The following COL24A1 variants were observed in gnomAD, a reference collection of about 807,000 sequenced individuals.
COL24A1 encodes collagen type XXIV alpha 1 chain.
In COL24A1, 224 loss-of-function variants were observed where a neutral mutation model predicts 253.9. The ratio of observed to expected loss-of-function variants is 0.88; its 90% CI spans 0.79 to 0.99. The LOEUF (loss-of-function observed/expected upper bound fraction) is 0.99. Ranked by LOEUF, COL24A1 falls within the 50% of genes least tolerant of loss-of-function variation. COL24A1 has a pLI of 0.00. For missense variants in COL24A1, 2,131 were observed against 2,068.5 expected (o/e 1.03, Z -0.59); for synonymous variants, 685 against 673.7 (o/e 1.02, Z -0.26).
intron 51 of COL24A1, among the ~76,000 whole-genome samples, chr1:85,781,854 A>G (rs926377092): frequency 2.0e-5 from 3 of 152,222 alleles, no homozygotes; most frequent in African/African-American, 7.2e-5. Flanking sequence ...GGTTATGAAG[A>G]TAACCTTGAA....
intron 2 of COL24A1, among the ~76,000 whole-genome samples, chr1:86,129,398 A>C (rs1384619950): frequency 6.6e-6 from 1 of 150,534 alleles, no homozygotes; most frequent in Non-Finnish European, 1.5e-5. Flanking sequence ...ATTTTTGTTC[A>C]TTTTCTCTAT....
At chr1:86,040,613 T>C (rs76474550) in intron 12 of COL24A1, among the ~76,000 whole-genome samples, 6 of 152,106 alleles carry the variant, frequency 3.9e-5, no homozygotes, top group South Asian at 2.1e-4. Flanking sequence ...ATGTAGTTCA[T>C]TGGGTGTCCT....
chr1:86,106,342 G>A (rs1360098180), intron 5 of COL24A1, among the ~76,000 whole-genome samples: 1 of 151,830 alleles, frequency 6.6e-6, no homozygotes, highest in East Asian at 1.9e-4. Context: ...ATGAAACATT[G>A]TTACTGTGGG....
At chr1:86,022,359 C>A in intron 17 of COL24A1, 66 bp from the exon 18 acceptor site, 3 of 1,487,814 alleles carry the variant, frequency 2.0e-6, no homozygotes, top group Non-Finnish European at 2.8e-6. Flanking sequence ...CCACTATTTA[C>A]AAACTGCTAA....
At chr1:86,058,256 T>C (rs906447855) in intron 9 of COL24A1, among the ~76,000 whole-genome samples, 2 of 151,924 alleles carry the variant, frequency 1.3e-5, no homozygotes, top group Admixed American at 1.3e-4. Flanking sequence ...TTATTTCTCA[T>C]TGGAAGACTG....
intron 42 of COL24A1, among the ~76,000 whole-genome samples, chr1:85,840,926 T>C (rs999340559): frequency 6.6e-6 from 1 of 152,150 alleles, no homozygotes; most frequent in African/African-American, 2.4e-5. Flanking sequence ...CTAGAGTGTA[T>C]AAGTTTTCTG....
Position 85,816,913 on chromosome 1 carries a change from AT to A in COL24A1, c.3844-19del. 12 of 1,559,374 alleles carry A rather than the reference AT, an allele frequency of 7.7e-6. No homozygotes were observed. Among genetic ancestry groups the A allele is most frequent in the Non-Finnish European group, 8.8e-6 (10 of 1,130,818 alleles). ...TGAAGTCCCTTGATAATTAAAAATTATTTGGATTGTAGAGATGCTGAAAAGA... is the reference window on the plus strand; with the variant it reads ...TGAAGTCCCTTGATAATTAAAAATTATTGGATTGTAGAGATGCTGAAAAGA... On this transcript the variant is annotated intron_variant, in intron 46 of 59. Transcript: ENST00000370571.
intron 5 of COL24A1, among the ~76,000 whole-genome samples, chr1:86,102,237 C>A (rs893364140): frequency 6.6e-6 from 1 of 151,946 alleles, no homozygotes; most frequent in Non-Finnish European, 1.5e-5. Flanking sequence ...GGTAATATCC[C>A]CTTTGTTGTT....
intron 55 of COL24A1, among the ~76,000 whole-genome samples, chr1:85,746,085 C>T (rs399547): frequency 0.91 from 137,749 of 152,132 alleles, 63,003 homozygotes; most frequent in Non-Finnish European, 0.97. Flanking sequence ...AGACTGAGCA[C>T]AACCATTAGT....
chr1:86,072,485 C>T (rs1274938702), intron 7 of COL24A1, among the ~76,000 whole-genome samples: 1 of 152,152 alleles, frequency 6.6e-6, no homozygotes, highest in Non-Finnish European at 1.5e-5. Flanking sequence ...AAGGCAGCAG[C>T]CCCAGTCAGG....
At chr1:85,779,040 CTG>C (rs1411944709) in intron 52 of COL24A1, among the ~76,000 whole-genome samples, 1 of 151,950 alleles carries the variant, frequency 6.6e-6, no homozygotes, top group African/African-American at 2.4e-5. Context: ...GGGTCTCACT[CTG>C]TTTGCGCAGG....
At chr1:86,040,555 C>G (rs1267197989) in intron 12 of COL24A1, among the ~76,000 whole-genome samples, 1 of 147,600 alleles carries the variant, frequency 6.8e-6, no homozygotes, top group Non-Finnish European at 1.5e-5. Context: ...GGTGTCACAT[C>G]TCTATGAAAT....
chr1:85,808,240 G>A (rs1189557663), intron 47 of COL24A1, among the ~76,000 whole-genome samples: 3 of 152,192 alleles, frequency 2.0e-5, no homozygotes, highest in African/African-American at 7.2e-5. Context: ...AAGATACAGG[G>A]GTAGTGATTC....
chr1:85,787,976 T>C (rs1304792219), intron 47 of COL24A1, among the ~76,000 whole-genome samples: 1 of 152,262 alleles, frequency 6.6e-6, no homozygotes, highest in African/African-American at 2.4e-5. Context: ...ATTTCTCTAA[T>C]AATCAATGAT....
chr1:86,024,175 A>C (rs1490676417), intron 14 of COL24A1, among the ~76,000 whole-genome samples: 1 of 152,092 alleles, frequency 6.6e-6, no homozygotes, highest in Non-Finnish European at 1.5e-5. Flanking sequence ...TCATTTTCTG[A>C]ATAGCTCTCC....
chr1:86,017,034 G>T, intron 19 of COL24A1, 117 bp downstream of exon 19: 1 of 939,746 alleles, frequency 1.1e-6, no homozygotes, highest in Non-Finnish European at 1.6e-6. Flanking sequence ...TATTTACGGA[G>T]ATCTAAACTT....
At chr1:86,148,322 T>G (rs1180544236) in intron 1 of COL24A1, among the ~76,000 whole-genome samples, 2 of 152,044 alleles carry the variant, frequency 1.3e-5, no homozygotes, top group African/African-American at 4.8e-5. Flanking sequence ...ATAGCTGGAA[T>G]TACAGGCGCC....
chr1:85,773,729 A>G (rs1668230739), intron 53 of COL24A1, among the ~76,000 whole-genome samples: 1 of 152,194 alleles, frequency 6.6e-6, no homozygotes, highest in Admixed American at 6.5e-5. Context: ...TTGTATCCTG[A>G]GACTTTGCTG....
chr1:85,976,819 T>C lies in COL24A1; in HGVS notation c.2365-5426A>G, dbSNP rs1692734041. On this transcript the variant is annotated intron_variant, in intron 20 of 59. Coordinates refer to ENST00000370571, the MANE Select transcript of COL24A1 (RefSeq NM_152890.7). ...ATAACTCATGACAAAATAACCCTAC[T>C]CCAAGGAAGGAGAAAACAACAGCTA... 2.0e-5 allele frequency among the ~76,000 whole-genome samples: 3 copies of C among 152,178 alleles called. No individual in the cohort carries two copies. In the East Asian group the frequency reaches 5.8e-4, roughly 29 times the overall value.
Sources: allele counts gnomAD v4.1 joint callset (sites outside exome capture counted in the v4.1 genomes callset), GRCh38; gene constraint gnomAD v4.1.1; transcripts MANE v1.5; gene names NCBI Gene and HGNC (gene_info 2026-07-23, HGNC 2026-07-21).